Variants in RYR1 observed in about 807,000 individuals in gnomAD.
The protein encoded by RYR1 is central core disease of muscle.
RYR1 carries 342 observed loss-of-function variants against 583.5 expected under a neutral mutation model. The observed-to-expected ratio is 0.59, with a 90% CI of 0.54 to 0.64. The LOEUF (loss-of-function observed/expected upper bound fraction) is 0.64. Ranked by LOEUF, RYR1 falls within the 30% of genes least tolerant of loss-of-function variation. RYR1 has a pLI of 0.00. For missense variants in RYR1, 6,032 were observed against 6,917.2 expected, an observed-to-expected ratio of 0.87 and a Z score of 4.54; for synonymous variants, 2,791 against 2,822.5, an observed-to-expected ratio of 0.99 and a Z score of 0.35.
At chr19:38,525,979 TTGGC>T (rs1339106183) in intron 71 of RYR1, among the ~76,000 whole-genome samples, 43 of 151,850 alleles carry the variant, frequency 2.8e-4, no homozygotes, top group Non-Finnish European at 5.9e-4. Flanking sequence ...TGCTGAGCCC[TTGGC>T]TCACCATCCC....
At chr19:38,476,103 A>C (rs1600738924) in intron 29 of RYR1, among the ~76,000 whole-genome samples, 1 of 151,798 alleles carries the variant, frequency 6.6e-6, no homozygotes, top group South Asian at 2.1e-4. Flanking sequence ...GCTCACTGAA[A>C]CCTCTGCCTC....
chr19:38,578,913 C>A (rs1473474057), intron 99 of RYR1, among the ~76,000 whole-genome samples: 1 of 150,792 alleles, frequency 6.6e-6, no homozygotes, highest in Non-Finnish European at 1.5e-5. Context: ...ACGTTTAAGA[C>A]CAGCTTGGGC....
intron 50 of RYR1, among the ~76,000 whole-genome samples, 153 bp downstream of exon 50, chr19:38,504,513 A>G (rs1469087784): frequency 6.6e-6 from 1 of 151,962 alleles, no homozygotes. Flanking sequence ...TGAGGCTTCG[A>G]TTTGGAGGTT....
intron 72 of RYR1, 72 bp from the exon 73 acceptor site, chr19:38,527,575 C>T (rs1489872730): frequency 3.8e-6 from 6 of 1,597,018 alleles, no homozygotes; most frequent in Admixed American, 1.7e-5. Context: ...CTCCCAAAAA[C>T]GGAAAGGGGA....
Position 38,527,694 on chromosome 19 carries a change from C to T in RYR1, c.10734C>T (p.Gly3578=). The T allele has an allele frequency of 6.2e-7, 1 of 1,614,106 alleles. No individual in the cohort carries two copies. Among genetic ancestry groups the T allele is most frequent in the Non-Finnish European group, 8.5e-7 (1 of 1,180,022 alleles). The part of the protein sequence containing the change: ...SLRWQMALYR[G]VPGREEDADD... ...GCTGGCAGATGGCTCTGTACCGGGG[C>T]GTCCCGGGTCGCGAGGAGGACGCCG... is the stretch of plus-strand genomic sequence containing the variant. Residue 3578 remains glycine (G), a synonymous_variant, in exon 73 of 106, where the codon GGC becomes GGT. Transcript: ENST00000359596.
intron 38 of RYR1, among the ~76,000 whole-genome samples, chr19:38,493,861 G>A (rs1160303943): frequency 6.6e-6 from 1 of 152,110 alleles, no homozygotes; most frequent in Non-Finnish European, 1.5e-5. Flanking sequence ...ATTGTGACAT[G>A]TGCCTTCAAA....
At position 38,499,675 on chromosome 19, in the gene RYR1, G is replaced by C; in HGVS notation, c.7068G>C (p.Leu2356=). The change falls in exon 44 of 106, where the codon CTG becomes CTC. Residue 2356 remains leucine, a synonymous_variant. Coordinates refer to ENST00000359596, the MANE Select transcript of RYR1 (RefSeq NM_000540.3). The surrounding 1 kb of genome is among the most constrained non-coding windows in gnomAD (Gnocchi z 7.3). ...AGAACGCCAATGTGGTGGTGCGGCT[G>C]CTCATCCGGAAGCCTGAGTGCTTCG... ...VEENANVVVR[L]LIRKPECFGP... is the part of the protein sequence containing the mutation. 1 of 1,599,796 alleles carries C rather than the reference G, an allele frequency of 6.3e-7. No individual in the cohort carries two copies. Among genetic ancestry groups the C allele is most frequent in the Non-Finnish European group, 8.5e-7 (1 of 1,179,872 alleles).
Position 38,587,501 on chromosome 19 carries a change from C to T in RYR1, c.*81C>T, listed in dbSNP as rs1377790526. On this transcript the variant is annotated 3_prime_UTR_variant, in exon 106 of 106. Transcript: ENST00000359596. ...CCCCTTAGTCCCCAAGCCCCTCCCC[C>T]TAAGGCAGCTGGGGGAGAGGTGACC... 1 of 1,000,918 alleles carries T rather than the reference C, an allele frequency of 1.0e-6. No individual in the cohort carries two copies. The allele number at this position is 1,000,918 out of a possible 1,614,324, so 62.0% of individuals were successfully genotyped here.
intron 91 of RYR1, among the ~76,000 whole-genome samples, chr19:38,566,316 G>A (rs995231461): frequency 5.3e-5 from 8 of 151,694 alleles, no homozygotes; most frequent in Non-Finnish European, 1.0e-4. Flanking sequence ...GGGCATGGTG[G>A]TGTGCGCCTG....
At chr19:38,526,118 G>A (rs1233092999) in intron 71 of RYR1, among the ~76,000 whole-genome samples, 2 of 151,902 alleles carry the variant, frequency 1.3e-5, no homozygotes, top group Non-Finnish European at 2.9e-5. Context: ...CCCCAAGCCC[G>A]GGACTGTACC....
chr19:38,471,605 A>G (rs1335238795), intron 27 of RYR1, among the ~76,000 whole-genome samples: 1 of 152,048 alleles, frequency 6.6e-6, no homozygotes, highest in Admixed American at 6.6e-5. Flanking sequence ...AGACCCCTAA[A>G]GAGTCTGAGA....
intron 76 of RYR1, among the ~76,000 whole-genome samples, chr19:38,530,383 A>G (rs1463026510): frequency 6.7e-6 from 1 of 150,108 alleles, no homozygotes; most frequent in African/African-American, 2.5e-5. Context: ...TCCTGCCTCA[A>G]CCTCCTGAGT....
At chr19:38,571,632 C>T (rs1312132182) in intron 94 of RYR1, among the ~76,000 whole-genome samples, 3 of 152,056 alleles carry the variant, frequency 2.0e-5, no homozygotes, top group African/African-American at 4.8e-5. Context: ...AGTGAAACTC[C>T]GTCCACCCCA....
intron 67 of RYR1, among the ~76,000 whole-genome samples, chr19:38,522,100 G>A (rs1344466868): frequency 6.6e-6 from 1 of 152,120 alleles, no homozygotes; most frequent in Non-Finnish European, 1.5e-5. Flanking sequence ...GAGGGGCCAT[G>A]ATAGTACTTC....
chr19:38,440,789 G>C lies in RYR1; in HGVS notation c.90G>C (p.Glu30Asp). The change falls in exon 2 of 106, where the codon GAG becomes GAC. Residue 30 changes from glutamate to aspartate, a missense_variant. Physicochemically the swap from Glu to Asp is conservative, Grantham distance 45. Coordinates refer to ENST00000359596, the MANE Select transcript of RYR1 (RefSeq NM_000540.3). Reference sequence around the variant, plus strand: ...AGTGCAGCGCTACCGTGCTCAAGGAGCAGCTCAAGCTCTGCCTGGCCGCCG... The same window carrying C: ...AGTGCAGCGCTACCGTGCTCAAGGACCAGCTCAAGCTCTGCCTGGCCGCCG... ...VLQCSATVLKEQLKLCLAAEG... is the reference protein window; with the variant it reads ...VLQCSATVLKDQLKLCLAAEG... The C allele has an allele frequency of 6.2e-7, 1 of 1,609,308 alleles. No individual in the cohort carries two copies. The highest frequency in any genetic ancestry group is 8.5e-7 in the Non-Finnish European group (1 of 1,178,768).
rs1040827017 is a variant in RYR1, at chr19:38,494,493, C to T, written c.6416C>T (p.Pro2139Leu). 3.1e-6 allele frequency: 5 copies of T among 1,613,238 alleles called. No individual in the cohort carries two copies. The highest frequency in any genetic ancestry group is 2.2e-5 in the South Asian group (2 of 91,050). Reference protein sequence around the residue: ...DGLGELLRALPRAYTISPSSV... With the variant: ...DGLGELLRALLRAYTISPSSV... ...CTGGGTGAGCTGCTGCGTGCCCTGC[C>T]GCGGGCGTACACCATCTCACCGTCC... Residue 2139 changes from proline (P) to leucine (L), a missense_variant, in exon 39 of 106, where the codon CCG (proline) becomes CTG (leucine). Pro to Leu is a moderately conservative substitution (Grantham distance 98). Coordinates refer to ENST00000359596, the MANE Select transcript of RYR1 (RefSeq NM_000540.3).
intron 42 of RYR1, among the ~76,000 whole-genome samples, chr19:38,497,350 C>G (rs1459436346): frequency 6.6e-6 from 1 of 152,192 alleles, no homozygotes; most frequent in Non-Finnish European, 1.5e-5. Flanking sequence ...GGCCTTGGCA[C>G]ATTTCTTCGC....
rs781550981 is a variant in RYR1, at chr19:38,466,276, G to A, written c.3056G>A (p.Arg1019Gln). The change falls in exon 24 of 106, where the codon CGG becomes CAG. Residue 1019 changes from arginine (R) to glutamine (Q), a missense_variant. By Grantham distance (43) the Arg-to-Gln change is conservative. This residue lies in a region of RYR1 where 2,627 missense variants were observed against 2,961.3 expected (regional missense o/e 0.89). Coordinates refer to ENST00000359596, the MANE Select transcript of RYR1 (RefSeq NM_000540.3). Reference protein sequence around the residue: ...VQDIPARRNPRLVPYRLLDEA... With the variant: ...VQDIPARRNPQLVPYRLLDEA... ...GACATCCCAGCGCGCCGAAACCCTC[G>A]GCTGGTGCCCTACCGCCTGCTGGAT... 21 of 1,612,712 alleles carry A rather than the reference G, an allele frequency of 1.3e-5. No homozygotes were observed. The highest frequency in any genetic ancestry group is 2.2e-5 in the East Asian group (1 of 44,862).
chr19:38,514,913 G>T, intron 63 of RYR1, 113 bp from the exon 64 acceptor site: 1 of 734,400 alleles, frequency 1.4e-6, no homozygotes, highest in Non-Finnish European at 2.4e-6. Flanking sequence ...AAGGCTGGCT[G>T]TACATCTGCT....
Sources: allele counts gnomAD v4.1 joint callset (sites outside exome capture counted in the v4.1 genomes callset), GRCh38; gene constraint gnomAD v4.1.1; regional missense constraint gnomAD v4.1.1; non-coding constraint Gnocchi (gnomAD v3.1); transcripts MANE v1.5; gene names NCBI Gene and HGNC (gene_info 2026-07-23, HGNC 2026-07-21).